The following IL1RAPL2 variants were observed in gnomAD, a reference collection of about 807,000 sequenced individuals.
The protein encoded by IL1RAPL2 is interleukin 1 receptor accessory protein like 2.
A neutral mutation model predicts 44.1 loss-of-function variants in IL1RAPL2; 3 were observed. The observed-to-expected ratio is 0.07, with a 90% CI of 0.03 to 0.18. The LOEUF (loss-of-function observed/expected upper bound fraction) is 0.18, where lower values mean the gene tolerates loss of function less well. IL1RAPL2 is among the 10% of genes least tolerant of loss of function. The pLI is 1.00. For missense variants in IL1RAPL2, 391 were observed against 496.4 expected, an observed-to-expected ratio of 0.79 and a Z score of 2.02; for synonymous variants, 181 against 178.8, an observed-to-expected ratio of 1.01 and a Z score of -0.10.
At chrX:104,637,814 G>T (rs916694662) in intron 1 of IL1RAPL2, among the ~76,000 whole-genome samples, 6 of 109,979 alleles carry the variant, frequency 5.5e-5, no homozygotes, top group Non-Finnish European at 9.5e-5. Flanking sequence ...GTGTGTGTGT[G>T]TGTGTGTGTC....
At chrX:105,518,093 G>A (rs780570588) in intron 6 of IL1RAPL2, among the ~76,000 whole-genome samples, 1 of 111,126 alleles carries the variant, frequency 9.0e-6, no homozygotes, top group Non-Finnish European at 1.9e-5. Flanking sequence ...GAGGCCATTG[G>A]ATTTATCGGA....
chrX:105,033,468 T>C (rs201027606), intron 2 of IL1RAPL2, among the ~76,000 whole-genome samples: 23 of 111,450 alleles, frequency 2.1e-4, no homozygotes, highest in South Asian at 7.5e-4. Context: ...TATTTTATTT[T>C]TCCTTCACTT....
chrX:105,004,851 T>A (rs760712709), intron 2 of IL1RAPL2, among the ~76,000 whole-genome samples: 5 of 111,115 alleles, frequency 4.5e-5, no homozygotes, highest in Non-Finnish European at 7.6e-5. Flanking sequence ...ATCTGCACAA[T>A]GTGAGATGAT....
intron 2 of IL1RAPL2, among the ~76,000 whole-genome samples, chrX:104,684,164 A>T (rs1415596254): frequency 8.9e-6 from 1 of 112,078 alleles, no homozygotes; most frequent in African/African-American, 3.2e-5. Flanking sequence ...GGTCTGAAAT[A>T]TGAGTTTTAT....
At chrX:105,564,579 A>G (rs2036961509) in intron 6 of IL1RAPL2, among the ~76,000 whole-genome samples, 1 of 112,430 alleles carries the variant, frequency 8.9e-6, no homozygotes, top group South Asian at 3.6e-4. Context: ...AACTTTAGAT[A>G]TGCCTTGCCT....
chrX:105,117,213 G>C (rs750285979), intron 2 of IL1RAPL2, among the ~76,000 whole-genome samples: 48 of 112,207 alleles, frequency 4.3e-4, no homozygotes, highest in Non-Finnish European at 8.3e-4. Context: ...TTGTCTGATA[G>C]TCAAGATTGG....
intron 2 of IL1RAPL2, among the ~76,000 whole-genome samples, chrX:105,137,137 C>G (rs1180595293): frequency 8.9e-6 from 1 of 111,832 alleles, no homozygotes; most frequent in Non-Finnish European, 1.9e-5. Flanking sequence ...AGAGAGTAGA[C>G]AGCACTGTAA....
intron 2 of IL1RAPL2, among the ~76,000 whole-genome samples, chrX:104,896,965 A>G (rs1300951897): frequency 9.0e-6 from 1 of 111,636 alleles, no homozygotes; most frequent in Non-Finnish European, 1.9e-5. Context: ...AAGAGATACC[A>G]TGAACCCACC....
At chrX:105,046,630 CT>C (rs775170232) in intron 2 of IL1RAPL2, among the ~76,000 whole-genome samples, 1 of 111,065 alleles carries the variant, frequency 9.0e-6, no homozygotes, top group East Asian at 2.8e-4. Context: ...ACTTGACTTC[CT>C]AAGAACCTTG....
chrX:105,404,408 C>T (rs964221335), intron 5 of IL1RAPL2, among the ~76,000 whole-genome samples: 2 of 112,052 alleles, frequency 1.8e-5, no homozygotes, highest in South Asian at 7.3e-4. Context: ...CTCATCACAC[C>T]ACCATGGATT....
chrX:105,379,952 G>A (rs2035417183), intron 5 of IL1RAPL2, among the ~76,000 whole-genome samples: 1 of 111,301 alleles, frequency 9.0e-6, no homozygotes, highest in Non-Finnish European at 1.9e-5. Context: ...TGAGTTTTCT[G>A]CCCACACCCT....
At position 105,755,092 on chromosome X, in the gene IL1RAPL2, C is replaced by T. The variant is rs192645108; in HGVS notation, c.1193-85C>T. The T allele has an allele frequency of 5.1e-3, 2,879 of 563,313 alleles. 5 individuals are homozygous for T. Among genetic ancestry groups the T allele is most frequent in the Non-Finnish European group, 7.2e-3 (2,574 of 358,748 alleles). The allele number at this position is 563,313 out of a possible 1,213,427, so 46.4% of individuals were successfully genotyped here. A position where few individuals can be genotyped will look rare whatever the true frequency, so the allele number is the denominator to read the frequency against. On this transcript the variant is annotated intron_variant, in intron 9 of 10. Transcript: ENST00000372582. Reference sequence around the variant, plus strand: ...TTTTTCCAATTATTAAAGACGGTCACTAATTATTGTGCTATTCCTGCCTCT... The same window carrying T: ...TTTTTCCAATTATTAAAGACGGTCATTAATTATTGTGCTATTCCTGCCTCT...
At chrX:105,319,069 A>G (rs1280385818) in intron 5 of IL1RAPL2, among the ~76,000 whole-genome samples, 1 of 112,285 alleles carries the variant, frequency 8.9e-6, no homozygotes, top group Non-Finnish European at 1.9e-5. Flanking sequence ...GTCATACTTA[A>G]TAAGGACTTT....
chrX:105,397,650 A>G (rs1185589767), intron 5 of IL1RAPL2, among the ~76,000 whole-genome samples: 1 of 111,330 alleles, frequency 9.0e-6, no homozygotes, highest in African/African-American at 3.3e-5. Context: ...TAAGATCTCA[A>G]AGAATAAGTG....
chrX:105,648,568 CAAAGTGAA>C (rs2037622336), intron 6 of IL1RAPL2, among the ~76,000 whole-genome samples: 1 of 111,598 alleles, frequency 9.0e-6, no homozygotes, highest in African/African-American at 3.3e-5. Context: ...GAGCACTTCA[CAAAGTGAA>C]GTGCTTTCTT....
In IL1RAPL2 at chrX:105,509,620, A is replaced by G. The variant is rs1467430479; in HGVS notation, c.772+25233A>G. On this transcript the variant is annotated intron_variant, in intron 6 of 10. Transcript: ENST00000372582. The stretch of plus-strand genomic sequence containing the variant: ...GTGAGCATTGAGCAAGTAACCAGTG[A>G]AAAACATTGCAAAGGGGAGATCAAT... Among the ~76,000 whole-genome samples the G allele has an allele frequency of 5.4e-5, 6 of 111,785 alleles. No individual in the cohort carries two copies. The Admixed American group carries it at 5.7e-4, about 11-fold the overall frequency.
At chrX:105,371,088 T>A (rs1411994393) in intron 5 of IL1RAPL2, among the ~76,000 whole-genome samples, 1 of 112,434 alleles carries the variant, frequency 8.9e-6, no homozygotes, top group Admixed American at 9.4e-5. Context: ...ATGGGCTTGT[T>A]TTTTGTTAAT....
At chrX:104,627,137 T>C (rs1929524377) in intron 1 of IL1RAPL2, among the ~76,000 whole-genome samples, 2 of 110,115 alleles carry the variant, frequency 1.8e-5, no homozygotes, top group South Asian at 7.9e-4. Context: ...GGTTGGACAG[T>C]CGAGAACTGA....
At chrX:105,025,488 G>A (rs538407038) in intron 2 of IL1RAPL2, among the ~76,000 whole-genome samples, 4 of 111,048 alleles carry the variant, frequency 3.6e-5, no homozygotes, top group African/African-American at 1.3e-4. Context: ...AACGCCCATA[G>A]GATTAATGTT....
Sources: gnomAD v4.1 joint callset for allele counts (sites outside exome capture counted in the v4.1 genomes callset) on GRCh38, gnomAD v4.1.1 for gene constraint, MANE v1.5 for transcripts, NCBI Gene and HGNC (gene_info 2026-07-23, HGNC 2026-07-21) for gene names.